GUCY1A2: variants seen among roughly 807,000 people sequenced by gnomAD.
The protein encoded by GUCY1A2 is guanylate cyclase 1 soluble subunit alpha 2.
GUCY1A2 carries 27 observed loss-of-function variants against 63.5 expected under a neutral mutation model. The observed-to-expected ratio is 0.43, with a 90% confidence interval of 0.31 to 0.59. The LOEUF is 0.59. Among genes scored for constraint, GUCY1A2 ranks in the 20% least tolerant of loss-of-function variants. The probability of loss-of-function intolerance (pLI) is 0.11; values close to 1 mark genes in which losing one functional copy is unlikely to be tolerated. For synonymous variants in GUCY1A2, 364 were observed against 343.5 expected (o/e 1.06, Z -0.66); for missense variants, 768 against 913.3 (o/e 0.84, Z 2.05).
At position 107,018,047 on chromosome 11, in the gene GUCY1A2, T is replaced by G; in HGVS notation, c.9A>C (p.Arg3=). ...TGAAGGACTCGGACGAAATCTTCCTTCGAGACATGCTGCCGGCGGAGCTGC... is the reference window on the plus strand; with the variant it reads ...TGAAGGACTCGGACGAAATCTTCCTGCGAGACATGCTGCCGGCGGAGCTGC... MS[R]RKISSESFSS... The change falls in exon 1 of 8, where the codon CGA becomes CGC. Residue 3 remains arginine (R), a synonymous_variant. Coordinates refer to ENST00000526355, the MANE Select transcript of GUCY1A2 (RefSeq NM_000855.3). 2 of 1,461,880 alleles carry G rather than the reference T, an allele frequency of 1.4e-6. No individual in the cohort carries two copies. Among genetic ancestry groups the G allele is most frequent in the Non-Finnish European group, 1.8e-6 (2 of 1,094,950 alleles). 90.6% of individuals were successfully genotyped at this position (1,461,880 alleles called of 1,614,324 possible). A position where few individuals can be genotyped will look rare whatever the true frequency, so the allele number is the denominator to read the frequency against.
intron 4 of GUCY1A2, among the ~76,000 whole-genome samples, chr11:106,853,153 C>T (rs928733611): frequency 5.3e-5 from 8 of 152,094 alleles, no homozygotes; most frequent in African/African-American, 1.9e-4. Flanking sequence ...GAATCTTTCA[C>T]CTTTCTGTAT....
At chr11:106,700,390 T>C (rs1002382749) in intron 7 of GUCY1A2, among the ~76,000 whole-genome samples, 2 of 152,126 alleles carry the variant, frequency 1.3e-5, no homozygotes, top group African/African-American at 2.4e-5. Context: ...ATCCACAGAA[T>C]TACATTTTCT....
chr11:106,737,118 C>T (rs10789540), intron 6 of GUCY1A2, among the ~76,000 whole-genome samples: 94,486 of 151,956 alleles, frequency 0.62, 29,718 homozygotes, highest in East Asian at 0.89. Context: ...TCATTGTAGA[C>T]GCACATTTTG....
intron 4 of GUCY1A2, among the ~76,000 whole-genome samples, chr11:106,901,577 T>C (rs1860133410): frequency 6.6e-6 from 1 of 152,174 alleles, no homozygotes; most frequent in South Asian, 2.1e-4. Context: ...ATATGCCATG[T>C]TGGTGTGCTG....
chr11:106,694,629 C>T (rs1210537285), intron 7 of GUCY1A2, among the ~76,000 whole-genome samples: 1 of 152,132 alleles, frequency 6.6e-6, no homozygotes, highest in East Asian at 1.9e-4. Flanking sequence ...GTACTGGTGA[C>T]ACGTTAGTCT....
chr11:106,876,488 T>C (rs1026299469), intron 4 of GUCY1A2, among the ~76,000 whole-genome samples: 22 of 152,064 alleles, frequency 1.4e-4, no homozygotes, highest in African/African-American at 5.3e-4. Context: ...CTATGCAAGG[T>C]ACCACATCTG....
intron 7 of GUCY1A2, 85 bp from the exon 8 acceptor site, chr11:106,687,841 C>T: frequency 1.2e-6 from 1 of 849,344 alleles, no homozygotes; most frequent in Non-Finnish European, 2.0e-6. Flanking sequence ...CTCAGGAAGC[C>T]TATCTCTGAC....
chr11:106,872,964 C>T (rs1204698050), intron 4 of GUCY1A2, among the ~76,000 whole-genome samples: 1 of 152,098 alleles, frequency 6.6e-6, no homozygotes, highest in African/African-American at 2.4e-5. Flanking sequence ...TGTTCCCCTC[C>T]CTGTGTCAAT....
intron 6 of GUCY1A2, among the ~76,000 whole-genome samples, chr11:106,717,081 G>C (rs909876084): frequency 3.3e-5 from 5 of 152,186 alleles, no homozygotes; most frequent in Non-Finnish European, 7.3e-5. Context: ...TAGAGAGCTA[G>C]TCCTACTTCT....
intron 4 of GUCY1A2, among the ~76,000 whole-genome samples, chr11:106,916,614 T>C (rs1312274157): frequency 2.1e-5 from 3 of 145,512 alleles, no homozygotes; most frequent in Non-Finnish European, 4.6e-5. Flanking sequence ...CACATGAACA[T>C]AGATATATAT....
chr11:106,676,737 A>G lies in GUCY1A2; in HGVS notation c.*10812T>C, dbSNP rs1192340037. On this transcript the variant is annotated 3_prime_UTR_variant, in exon 8 of 8. Transcript: ENST00000526355. ...AGTTTTCAGAAAGCAATTTCCCTAC[A>G]AACAGAAAAAGCATTTTTTTTTTCT... The G allele has an allele frequency of 5.2e-6, 1 of 192,436 alleles. No homozygotes were observed. The highest frequency in any genetic ancestry group is 1.1e-5 in the Non-Finnish European group (1 of 92,058). The allele number at this position is 192,436 out of a possible 1,614,324, so 11.9% of individuals were successfully genotyped here.
chr11:106,827,388 A>G, intron 4 of GUCY1A2: 1 of 1,538,954 alleles, frequency 6.5e-7, no homozygotes, highest in Non-Finnish European at 9.0e-7. Context: ...AAATCACTTC[A>G]CAGCCTTCAA....
At chr11:106,926,620 A>G (rs1166261173) in intron 4 of GUCY1A2, among the ~76,000 whole-genome samples, 1 of 152,000 alleles carries the variant, frequency 6.6e-6, no homozygotes, top group Non-Finnish European at 1.5e-5. Flanking sequence ...CATACACTCT[A>G]TATTTAGACT....
At chr11:106,944,883 A>T (rs2119994985) in intron 3 of GUCY1A2, among the ~76,000 whole-genome samples, 1 of 152,340 alleles carries the variant, frequency 6.6e-6, no homozygotes, top group East Asian at 1.9e-4. Flanking sequence ...CTTATAAAAT[A>T]GCAGATAGTC....
At chr11:107,014,843 T>G (rs1463415390) in intron 1 of GUCY1A2, among the ~76,000 whole-genome samples, 1 of 152,054 alleles carries the variant, frequency 6.6e-6, no homozygotes, top group Non-Finnish European at 1.5e-5. Flanking sequence ...GCTCACAACA[T>G]TCAAAACAAC....
At chr11:107,000,422 C>T (rs1012495885) in intron 1 of GUCY1A2, among the ~76,000 whole-genome samples, 1 of 152,152 alleles carries the variant, frequency 6.6e-6, no homozygotes, top group Non-Finnish European at 1.5e-5. Context: ...CCATTACAAC[C>T]CAATCATCTC....
intron 6 of GUCY1A2, among the ~76,000 whole-genome samples, chr11:106,746,206 T>C (rs999379007): frequency 6.6e-5 from 10 of 152,040 alleles, no homozygotes; most frequent in African/African-American, 2.4e-4. Flanking sequence ...AAAAAAAGCT[T>C]TGAACTAAAG....
intron 4 of GUCY1A2, among the ~76,000 whole-genome samples, chr11:106,930,857 C>T (rs996679443): frequency 1.3e-5 from 2 of 152,180 alleles, no homozygotes; most frequent in Admixed American, 6.5e-5. Flanking sequence ...AGGCGGATCA[C>T]GAGGTCAAGA....
intron 6 of GUCY1A2, among the ~76,000 whole-genome samples, chr11:106,735,023 G>GTA (rs1427132405): frequency 6.6e-6 from 1 of 151,620 alleles, no homozygotes; most frequent in African/African-American, 2.4e-5. Flanking sequence ...TATATAGAAG[G>GTA]TATATATATT....
Sources: gnomAD v4.1 joint callset for allele counts (sites outside exome capture counted in the v4.1 genomes callset) on GRCh38, gnomAD v4.1.1 for gene constraint, MANE v1.5 for transcripts, NCBI Gene and HGNC (gene_info 2026-07-23, HGNC 2026-07-21) for gene names.